The following MDGA2 variants were observed in gnomAD, a reference collection of about 807,000 sequenced individuals.
MDGA2 encodes the protein MAM domain-containing glycosylphosphatidylinositol anchor protein 2.
Under a neutral mutation model 117.8 loss-of-function variants are expected in MDGA2, and 40 were observed. The observed-to-expected ratio is 0.34, with a 90% CI of 0.26 to 0.44. The LOEUF (loss-of-function observed/expected upper bound fraction) is 0.44. MDGA2 is among the 20% of genes least tolerant of loss of function. MDGA2 has a pLI of 1.00. For synonymous variants in MDGA2, 452 were observed against 439.0 expected (o/e 1.03, Z -0.37); for missense variants, 1,123 against 1,250.6 (o/e 0.90, Z 1.54).
At chr14:47,190,435 T>C (rs559426234) in intron 3 of MDGA2, among the ~76,000 whole-genome samples, 38 of 152,342 alleles carry the variant, frequency 2.5e-4, no homozygotes, top group African/African-American at 9.1e-4. Flanking sequence ...ATGTGTCCTT[T>C]GGAATTTTTC....
chr14:47,542,577 G>A (rs1008818581), intron 1 of MDGA2, among the ~76,000 whole-genome samples: 5 of 152,084 alleles, frequency 3.3e-5, no homozygotes, highest in African/African-American at 1.2e-4. Flanking sequence ...TAAATTCAGA[G>A]TCAAGACTGT....
chr14:47,364,986 T>A (rs1891200797), intron 1 of MDGA2, among the ~76,000 whole-genome samples: 1 of 152,196 alleles, frequency 6.6e-6, no homozygotes, highest in Non-Finnish European at 1.5e-5. Context: ...CATGATATAG[T>A]ATGTATGAAT....
intron 1 of MDGA2, among the ~76,000 whole-genome samples, chr14:47,671,062 C>T (rs1415278425): frequency 6.6e-6 from 1 of 152,008 alleles, no homozygotes; most frequent in Non-Finnish European, 1.5e-5. Flanking sequence ...TATAATGTTA[C>T]ATCTGATATT....
chr14:47,574,341 T>C (rs1037661210), intron 1 of MDGA2, among the ~76,000 whole-genome samples: 3 of 152,146 alleles, frequency 2.0e-5, no homozygotes, highest in Admixed American at 6.5e-5. Context: ...CTGGCCAGCT[T>C]TGCAAGTGCA....
intron 1 of MDGA2, among the ~76,000 whole-genome samples, chr14:47,377,586 G>T (rs1355878552): frequency 4.6e-5 from 7 of 152,106 alleles, no homozygotes; most frequent in Admixed American, 6.5e-5. Flanking sequence ...GGCTTTGAGG[G>T]TCCCATGCCC....
chr14:47,490,834 C>G (rs1894153893), intron 1 of MDGA2, among the ~76,000 whole-genome samples: 1 of 152,066 alleles, frequency 6.6e-6, no homozygotes, highest in Non-Finnish European at 1.5e-5. Context: ...TTCCCTGATC[C>G]TCCAGTAGAA....
At chr14:47,325,603 G>A (rs1188130051) in intron 1 of MDGA2, among the ~76,000 whole-genome samples, 1 of 152,114 alleles carries the variant, frequency 6.6e-6, no homozygotes, top group Non-Finnish European at 1.5e-5. Context: ...ACACAACTAA[G>A]ATCAGAAGAA....
At chr14:47,469,151 C>CT (rs920204791) in intron 1 of MDGA2, among the ~76,000 whole-genome samples, 30 of 151,172 alleles carry the variant, frequency 2.0e-4, no homozygotes, top group Admixed American at 7.9e-4. Flanking sequence ...TCAGCATTTT[C>CT]TTTTTTTTTC....
chr14:46,969,275 T>C (rs1468064091), intron 8 of MDGA2, among the ~76,000 whole-genome samples: 1 of 152,220 alleles, frequency 6.6e-6, no homozygotes, highest in African/African-American at 2.4e-5. Context: ...AGTAATGGGA[T>C]GGCTGGGTCA....
chr14:47,524,232 A>C (rs1391711013), intron 1 of MDGA2, among the ~76,000 whole-genome samples: 3 of 145,326 alleles, frequency 2.1e-5, no homozygotes, highest in Non-Finnish European at 4.6e-5. Context: ...TATTAGACTG[A>C]GTAGGAGAAA....
At chr14:47,271,577 A>C (rs1258866737) in intron 2 of MDGA2, among the ~76,000 whole-genome samples, 1 of 152,138 alleles carries the variant, frequency 6.6e-6, no homozygotes, top group African/African-American at 2.4e-5. Context: ...ATCAAACAGC[A>C]GTAGGAATGA....
At chr14:47,174,131 C>A (rs1884320148) in intron 3 of MDGA2, among the ~76,000 whole-genome samples, 1 of 152,090 alleles carries the variant, frequency 6.6e-6, no homozygotes, top group Non-Finnish European at 1.5e-5. Flanking sequence ...AATACAGGAG[C>A]ACCCAGATTC....
chr14:47,283,309 G>A (rs1888564071), intron 2 of MDGA2, among the ~76,000 whole-genome samples: 3 of 152,180 alleles, frequency 2.0e-5, no homozygotes, highest in Admixed American at 1.3e-4. Flanking sequence ...AAATTAAAAT[G>A]AGATTTGGAA....
At chr14:47,671,672 T>C (rs1898078417) in intron 1 of MDGA2, among the ~76,000 whole-genome samples, 1 of 152,174 alleles carries the variant, frequency 6.6e-6, no homozygotes, top group Admixed American at 6.5e-5. Flanking sequence ...ATACAGATTT[T>C]TATGCTAGCA....
chr14:46,954,187 G>T (rs562834504), intron 9 of MDGA2, among the ~76,000 whole-genome samples: 1 of 151,968 alleles, frequency 6.6e-6, no homozygotes, highest in African/African-American at 2.4e-5. Flanking sequence ...AGCCCTTTAG[G>T]TGGCAAAAGC....
chr14:47,198,886 AT>A (rs1316402097), intron 3 of MDGA2, among the ~76,000 whole-genome samples: 1 of 152,188 alleles, frequency 6.6e-6, no homozygotes, highest in Non-Finnish European at 1.5e-5. Context: ...GATGTGACTA[AT>A]ATCTTAATCA....
intron 15 of MDGA2, among the ~76,000 whole-genome samples, chr14:46,854,278 A>G (rs116808079): frequency 0.037 from 5,583 of 151,824 alleles, 364 homozygotes; most frequent in African/African-American, 0.13. Flanking sequence ...AGAGCTGTAT[A>G]AGATATATGT....
chr14:47,154,796 G>A (rs546721192), intron 3 of MDGA2, among the ~76,000 whole-genome samples: 110 of 152,270 alleles, frequency 7.2e-4, no homozygotes, highest in Middle Eastern at 6.8e-3. Context: ...CAGCCAGGGC[G>A]CCATGAAGAG....
intron 3 of MDGA2, among the ~76,000 whole-genome samples, chr14:47,197,213 C>T (rs565866173): frequency 1.8e-4 from 27 of 152,102 alleles, no homozygotes; most frequent in Non-Finnish European, 3.5e-4. Context: ...TATGTTCCCT[C>T]AAAATTTATA....
Sources: allele counts gnomAD v4.1 joint callset (sites outside exome capture counted in the v4.1 genomes callset), GRCh38; gene constraint gnomAD v4.1.1; transcripts MANE v1.5; gene names NCBI Gene and HGNC (gene_info 2026-07-23, HGNC 2026-07-21).